Variants in VPS13B observed in about 807,000 individuals in gnomAD.
VPS13B encodes intermembrane lipid transfer protein VPS13B.
VPS13B carries 285 observed loss-of-function variants against 426.4 expected under a neutral mutation model. That is an observed-to-expected ratio of 0.67 (90% CI 0.61 to 0.74). The LOEUF (loss-of-function observed/expected upper bound fraction) is 0.74, where lower values mean the gene tolerates loss of function less well. Among genes scored for constraint, VPS13B ranks in the 30% least tolerant of loss-of-function variants. The pLI, the probability that VPS13B is intolerant of heterozygous loss-of-function variation, is 0.00. For missense variants in VPS13B, 4,537 were observed against 4,782.6 expected (o/e 0.95, Z 1.51); for synonymous variants, 1,676 against 1,676.4 (o/e 1.00, Z 0.01).
At chr8:99,274,660 T>A (rs1818802397) in intron 18 of VPS13B, among the ~76,000 whole-genome samples, 1 of 152,118 alleles carries the variant, frequency 6.6e-6, no homozygotes, top group Non-Finnish European at 1.5e-5. Context: ...GTTGTTATTG[T>A]AATATAATTA....
intron 43 of VPS13B, among the ~76,000 whole-genome samples, chr8:99,791,547 G>T (rs529008594): frequency 6.6e-6 from 1 of 151,902 alleles, no homozygotes; most frequent in Non-Finnish European, 1.5e-5. Context: ...TTGAGAAGAC[G>T]GTCTAGAGAA....
chr8:99,135,563 CTTCCCA>C, intron 10 of VPS13B, 27 bp from the exon 11 acceptor site: 1 of 1,607,092 alleles, frequency 6.2e-7, no homozygotes, highest in Non-Finnish European at 8.5e-7. Context: ...AATGGTTTTT[CTTCCCA>C]TTTATAAATT....
intron 33 of VPS13B, among the ~76,000 whole-genome samples, chr8:99,614,497 C>T (rs948203060): frequency 2.0e-5 from 3 of 152,078 alleles, no homozygotes; most frequent in South Asian, 2.1e-4. Flanking sequence ...AGGCTGGTCT[C>T]GAATGCCCAA....
chr8:99,380,632 C>T (rs546045852), intron 19 of VPS13B, among the ~76,000 whole-genome samples: 1 of 151,924 alleles, frequency 6.6e-6, no homozygotes. Context: ...TTTGAAGATT[C>T]TGTGGAAAGC....
At chr8:99,339,122 TAA>T (rs1242625172) in intron 19 of VPS13B, among the ~76,000 whole-genome samples, 1 of 152,224 alleles carries the variant, frequency 6.6e-6, no homozygotes, top group African/African-American at 2.4e-5. Context: ...TAAAAATATT[TAA>T]GTTTCATATT....
chr8:99,280,766 C>T (rs1238459439), intron 19 of VPS13B, among the ~76,000 whole-genome samples: 1 of 152,146 alleles, frequency 6.6e-6, no homozygotes. Flanking sequence ...CCTCCCATTT[C>T]CTGGTCTGAT....
intron 17 of VPS13B, among the ~76,000 whole-genome samples, chr8:99,270,433 C>T (rs1341392221): frequency 2.0e-5 from 3 of 151,776 alleles, no homozygotes; most frequent in Non-Finnish European, 2.9e-5. Context: ...GCCACCGCGC[C>T]TGGCCAAGAT....
chr8:99,296,842 T>C (rs1188039760), intron 19 of VPS13B, among the ~76,000 whole-genome samples: 1 of 152,166 alleles, frequency 6.6e-6, no homozygotes, highest in Admixed American at 6.5e-5. Context: ...CTTCACCAGA[T>C]AGTAAACCTG....
chr8:99,233,780 A>G, intron 17 of VPS13B: 1 of 779,204 alleles, frequency 1.3e-6, no homozygotes, highest in Admixed American at 1.7e-5. Flanking sequence ...TTTTCCAATC[A>G]GTCTTCCAAA....
intron 58 of VPS13B, among the ~76,000 whole-genome samples, chr8:99,865,071 G>A (rs548476001): frequency 1.1e-4 from 16 of 152,270 alleles, no homozygotes; most frequent in Admixed American, 2.6e-4. Context: ...CCCCAGGTCA[G>A]CAGGGAAAAG....
intron 19 of VPS13B, among the ~76,000 whole-genome samples, chr8:99,280,194 T>G (rs1369441651): frequency 6.6e-6 from 1 of 152,196 alleles, no homozygotes. Context: ...ATATACTGTT[T>G]TTTTCTGTCT....
intron 30 of VPS13B, among the ~76,000 whole-genome samples, chr8:99,545,115 T>C (rs1823899405): frequency 6.6e-6 from 1 of 151,954 alleles, no homozygotes; most frequent in African/African-American, 2.4e-5. Context: ...CTTTTTAAAC[T>C]CTGCCATGTA....
chr8:99,728,109 A>G (rs1165175399), intron 39 of VPS13B, among the ~76,000 whole-genome samples: 1 of 152,220 alleles, frequency 6.6e-6, no homozygotes, highest in Non-Finnish European at 1.5e-5. Context: ...ACTTAATAAC[A>G]TAACTTGGCA....
At chr8:99,165,966 G>A (rs1588106128) in intron 15 of VPS13B, among the ~76,000 whole-genome samples, 1 of 152,202 alleles carries the variant, frequency 6.6e-6, no homozygotes, top group South Asian at 2.1e-4. Context: ...GTAATACACA[G>A]TTTTATTTTT....
intron 21 of VPS13B, among the ~76,000 whole-genome samples, chr8:99,395,870 G>C (rs1420740895): frequency 6.6e-6 from 1 of 152,060 alleles, no homozygotes; most frequent in African/African-American, 2.4e-5. Flanking sequence ...TTTACAAGAA[G>C]TTGGACACAT....
chr8:99,148,069 T>C, intron 14 of VPS13B, 59 bp downstream of exon 14: 1 of 1,504,792 alleles, frequency 6.6e-7, no homozygotes, highest in South Asian at 1.1e-5. Context: ...TTTTTTTTTT[T>C]TTGTCATTTA....
intron 19 of VPS13B, among the ~76,000 whole-genome samples, chr8:99,351,454 GTGTGTGTGTATGTA>G (rs1811888064): frequency 6.6e-6 from 1 of 151,832 alleles, no homozygotes; most frequent in African/African-American, 2.4e-5. Context: ...GTGTGTGTGT[GTGTGTGTGTATGTA>G]TGTGTGTGTG....
chr8:99,519,194 T>G (rs1481042876), intron 29 of VPS13B, among the ~76,000 whole-genome samples: 3 of 152,196 alleles, frequency 2.0e-5, no homozygotes, highest in African/African-American at 7.2e-5. Flanking sequence ...TTCTTGTAAA[T>G]TTGTTTGAGT....
intron 19 of VPS13B, among the ~76,000 whole-genome samples, chr8:99,349,744 A>T (rs535041146): frequency 2.0e-5 from 3 of 152,320 alleles, no homozygotes; most frequent in African/African-American, 7.2e-5. Context: ...ATGCAGCAGA[A>T]TATTAATGGT....
Sources: gnomAD v4.1 joint callset for allele counts (sites outside exome capture counted in the v4.1 genomes callset) on GRCh38, gnomAD v4.1.1 for gene constraint, MANE v1.5 for transcripts, NCBI Gene and HGNC (gene_info 2026-07-23, HGNC 2026-07-21) for gene names.